CYREN: variants seen among roughly 807,000 people sequenced by gnomAD.
CYREN encodes cell cycle regulator of NHEJ, also known as cell cycle regulator of non-homologous end joining.
CYREN carries 7 observed loss-of-function variants against 9.7 expected under a neutral mutation model. The observed-to-expected ratio is 0.72, with a 90% CI of 0.41 to 1.36. The LOEUF (loss-of-function observed/expected upper bound fraction) is 1.36, where lower values mean the gene tolerates loss of function less well. Ranked by LOEUF, CYREN falls within the 40% of genes most tolerant of loss-of-function variation. CYREN has a pLI of 0.01. For missense variants in CYREN, 215 were observed against 198.1 expected (o/e 1.09, Z -0.51); for synonymous variants, 76 against 77.9 (o/e 0.98, Z 0.13).
intron 2 of CYREN, among the ~76,000 whole-genome samples, chr7:135,103,976 T>C (rs1310540281): frequency 1.3e-5 from 2 of 152,138 alleles, no homozygotes; most frequent in Non-Finnish European, 2.9e-5. Flanking sequence ...TAGGTAAACT[T>C]ATATAGGTAA....
chr7:135,115,407 TA>T, intron 2 of CYREN: 1 of 1,550,666 alleles, frequency 6.4e-7, no homozygotes, highest in African/African-American at 1.4e-5. Context: ...AAAAGCAAAA[TA>T]AAAGAATGCA....
At chr7:135,160,438 C>T (rs1364417932) in intron 2 of CYREN, among the ~76,000 whole-genome samples, 2 of 152,140 alleles carry the variant, frequency 1.3e-5, no homozygotes, top group African/African-American at 4.8e-5. Flanking sequence ...AGGGAAGGCC[C>T]ATGGGGAAGT....
intron 2 of CYREN, among the ~76,000 whole-genome samples, chr7:135,153,929 G>T (rs536304932): frequency 6.6e-6 from 1 of 152,086 alleles, no homozygotes; most frequent in Non-Finnish European, 1.5e-5. Context: ...GTTTTTCTTT[G>T]TATGTTTGGT....
exon 3 of CYREN, chr7:135,094,435 A>T (rs569629598): frequency 1.5e-5 from 7 of 456,714 alleles, no homozygotes; most frequent in Non-Finnish European, 3.1e-5. Context: ...CAGTGATTTT[A>T]ACAAATTGCC....
downstream of CYREN, among the ~76,000 whole-genome samples, chr7:135,163,988 G>GA (rs1324954121): frequency 6.6e-6 from 1 of 152,252 alleles, no homozygotes; most frequent in African/African-American, 2.4e-5. Flanking sequence ...CAGCTGTGGT[G>GA]AAAACCAATA....
chr7:135,162,287 T>C (rs933591815), downstream of CYREN, among the ~76,000 whole-genome samples: 2 of 152,174 alleles, frequency 1.3e-5, no homozygotes, highest in Admixed American at 6.5e-5. Flanking sequence ...CCACGACTCA[T>C]TTTGCTGCTG....
intron 1 of CYREN, chr7:135,169,501 C>T (rs995001800): frequency 6.6e-6 from 1 of 152,202 alleles, no homozygotes; most frequent in Non-Finnish European, 1.5e-5. Flanking sequence ...AAACTGAGGG[C>T]ATTTTATTTC....
chr7:135,096,129 G>T (rs774159556), intron 2 of CYREN, among the ~76,000 whole-genome samples: 1 of 147,016 alleles, frequency 6.8e-6, no homozygotes, highest in South Asian at 2.3e-4. Flanking sequence ...TCCAGGCTGG[G>T]TGACAGAGAC....
intron 2 of CYREN, among the ~76,000 whole-genome samples, chr7:135,137,905 C>T (rs1385962895): frequency 4.6e-5 from 7 of 151,974 alleles, no homozygotes; most frequent in Admixed American, 3.9e-4. Flanking sequence ...GATCATCCCA[C>T]GTCTCTTCTT....
chr7:135,163,235 ACAT>A (rs1214636800), downstream of CYREN, among the ~76,000 whole-genome samples: 1 of 152,242 alleles, frequency 6.6e-6, no homozygotes, highest in African/African-American at 2.4e-5. Flanking sequence ...ATTACATTCA[ACAT>A]CATGATTATG....
intron 2 of CYREN, among the ~76,000 whole-genome samples, chr7:135,097,405 T>C (rs1396724056): frequency 6.6e-6 from 1 of 152,196 alleles, no homozygotes; most frequent in African/African-American, 2.4e-5. Context: ...TTGATTTCTA[T>C]GAATATTTTA....
chr7:135,097,995 T>C (rs1410638779), intron 2 of CYREN, among the ~76,000 whole-genome samples: 1 of 152,166 alleles, frequency 6.6e-6, no homozygotes, highest in Non-Finnish European at 1.5e-5. Flanking sequence ...TATAATGACA[T>C]TCAATGTGCT....
intron 2 of CYREN, among the ~76,000 whole-genome samples, chr7:135,156,943 G>C (rs1406445894): frequency 6.6e-6 from 1 of 152,172 alleles, no homozygotes; most frequent in Non-Finnish European, 1.5e-5. Flanking sequence ...GGGTTCATCA[G>C]GGTTTCTGCT....
chr7:135,164,527 T>A (rs911838839), downstream of CYREN: 5 of 1,614,032 alleles, frequency 3.1e-6, no homozygotes, highest in African/African-American at 6.7e-5. Context: ...TGCCTGATGT[T>A]TTACGCTCTT....
At chr7:135,109,319 G>GAC (rs1825255228) in intron 2 of CYREN, among the ~76,000 whole-genome samples, 1 of 152,204 alleles carries the variant, frequency 6.6e-6, no homozygotes, top group Admixed American at 6.5e-5. Flanking sequence ...GGCTGCAAGA[G>GAC]AGCAAAGATG....
Position 135,107,231 on chromosome 7 carries a change from T to G in CYREN, n.357-12649A>C, listed in dbSNP as rs921370913. On this transcript the variant is annotated intron_variant and non_coding_transcript_variant, in intron 2 of 2. Coordinates refer to the CYREN transcript ENST00000459937. The stretch of plus-strand genomic sequence containing the variant: ...AGTCTCCTCCACTTCAGCTCTGACT[T>G]GGGTTGTTTCATGTCTTCTGCCAGC... Among the ~76,000 whole-genome samples the G allele has an allele frequency of 2.6e-5, 4 of 152,278 alleles. No homozygotes were observed. In the South Asian group the frequency reaches 8.3e-4, roughly 32 times the overall value.
At chr7:135,105,038 A>G (rs1390690570) in intron 2 of CYREN, among the ~76,000 whole-genome samples, 2 of 148,582 alleles carry the variant, frequency 1.3e-5, no homozygotes, top group African/African-American at 4.9e-5. Context: ...GTTGTCTTCC[A>G]GGGTTTTTAT....
chr7:135,111,257 A>G (rs918842809), intron 2 of CYREN, among the ~76,000 whole-genome samples: 1 of 152,208 alleles, frequency 6.6e-6, no homozygotes, highest in African/African-American at 2.4e-5. Flanking sequence ...CCTTAGTGAC[A>G]TAACTCTAAT....
chr7:135,118,497 A>C (rs966017357), intron 2 of CYREN, among the ~76,000 whole-genome samples: 6 of 152,160 alleles, frequency 3.9e-5, no homozygotes, highest in Non-Finnish European at 8.8e-5. Context: ...TCCATCTTGC[A>C]GTAATGAGGT....
Sources: allele counts gnomAD v4.1 joint callset (sites outside exome capture counted in the v4.1 genomes callset), GRCh38; gene constraint gnomAD v4.1.1; transcripts MANE v1.5; gene names NCBI Gene and HGNC (gene_info 2026-07-23, HGNC 2026-07-21).